The following C5 variants were observed in gnomAD, a reference collection of about 807,000 sequenced individuals.
The protein encoded by C5 is C3 and PZP-like alpha-2-macroglobulin domain-containing protein 4.
Under a neutral mutation model 218.8 loss-of-function variants are expected in C5, and 140 were observed. The observed-to-expected ratio is 0.64, with a 90% CI of 0.56 to 0.74. C5 has a LOEUF of 0.74. C5 is among the 30% of genes least tolerant of loss of function. C5 has a pLI of 0.00. For synonymous variants in C5, 614 were observed against 682.3 expected (o/e 0.90, Z 1.56); for missense variants, 1,700 against 1,969.6 (o/e 0.86, Z 2.59).
chr9:120,970,278 GA>G, intron 31 of C5, 27 bp from the exon 32 acceptor site: 1 of 1,494,118 alleles, frequency 6.7e-7, no homozygotes, highest in South Asian at 1.1e-5. Context: ...TAAGCAAGAA[GA>G]TTCTATTTAA....
intron 33 of C5, among the ~76,000 whole-genome samples, chr9:120,964,990 TA>T (rs1189547735): frequency 6.6e-6 from 1 of 152,072 alleles, no homozygotes; most frequent in African/African-American, 2.4e-5. Context: ...TGTGATTCTG[TA>T]AAAGTTGATT....
intron 17 of C5, among the ~76,000 whole-genome samples, chr9:121,013,361 C>A (rs1240515323): frequency 6.7e-6 from 1 of 149,410 alleles, no homozygotes; most frequent in Non-Finnish European, 1.5e-5. Flanking sequence ...CCTAAAAGTT[C>A]TGAAAACATG....
chr9:121,013,836 T>C, intron 17 of C5, 37 bp downstream of exon 17: 1 of 1,551,092 alleles, frequency 6.4e-7, no homozygotes, highest in Non-Finnish European at 8.9e-7. Flanking sequence ...AAATTCCCCA[T>C]ATTGAGCAGA....
At chr9:121,047,289 A>ACACATAT (rs2047635945) in intron 1 of C5, among the ~76,000 whole-genome samples, 1 of 152,174 alleles carries the variant, frequency 6.6e-6, no homozygotes, top group Non-Finnish European at 1.5e-5. Flanking sequence ...TGTACAGTTG[A>ACACATAT]GGTCAAGTTT....
intron 17 of C5, among the ~76,000 whole-genome samples, chr9:121,010,255 A>T (rs1272554147): frequency 2.0e-5 from 3 of 152,230 alleles, no homozygotes; most frequent in African/African-American, 7.2e-5. Flanking sequence ...CCACCAAAAA[A>T]CTATTAGAAC....
At chr9:121,009,654 CAACT>C (rs2047245545) in intron 17 of C5, among the ~76,000 whole-genome samples, 1 of 152,232 alleles carries the variant, frequency 6.6e-6, no homozygotes, top group Non-Finnish European at 1.5e-5. Context: ...TAAATTTTAA[CAACT>C]AACTACACAC....
rs1328909310 is a variant in C5, at chr9:120,997,891, C to T, written c.2563-117G>A. 3.6e-6 allele frequency: 3 copies of T among 824,534 alleles called. No individual in the cohort carries two copies. The East Asian group carries it at 8.1e-5, about 22-fold the overall frequency. The allele number at this position is 824,534 out of a possible 1,614,324, so 51.1% of individuals were successfully genotyped here. The stretch of plus-strand genomic sequence containing the variant: ...GATCTCAGCTCACTGCAACCTCCGC[C>T]TCCCGGATTCAAGCAATTCTCCTGC... On this transcript the variant is annotated intron_variant, in intron 20 of 40. Transcript: ENST00000223642.
intron 38 of C5, among the ~76,000 whole-genome samples, chr9:120,957,870 C>G (rs138539333): frequency 6.6e-6 from 1 of 152,342 alleles, no homozygotes; most frequent in East Asian, 1.9e-4. Flanking sequence ...TGTTTTCTCA[C>G]TCACCCTTGC....
intron 2 of C5, among the ~76,000 whole-genome samples, chr9:121,043,700 C>CTTTTTTTTTTTT (rs34794535): frequency 1.7e-5 from 2 of 120,662 alleles, no homozygotes; most frequent in Non-Finnish European, 1.7e-5. Context: ...GTCCAGCTAA[C>CTTTTTTTTTTTT]TTTTTTTTTT....
At position 120,976,790 on chromosome 9, in the gene C5, A is replaced by T; in HGVS notation, c.3774T>A (p.Ser1258Arg). ...CATAATTTATATCTTTCAAGTTCAG[A>T]CTGGTGAGTAAAGCATAGGCAGTTG... ...VETTAYALLTSLNLKDINYVN... is the reference protein window; with the variant it reads ...VETTAYALLTRLNLKDINYVN... Residue 1258 changes from serine (S) to arginine (R), a missense_variant, in exon 29 of 41, where the codon AGT becomes AGA. Coordinates refer to ENST00000223642, the MANE Select transcript of C5 (RefSeq NM_001735.3). 6.2e-7 allele frequency: 1 copy of T among 1,614,102 alleles called. No homozygotes were observed. The highest frequency in any genetic ancestry group is 8.5e-7 in the Non-Finnish European group (1 of 1,179,966).
intron 20 of C5, among the ~76,000 whole-genome samples, chr9:121,003,305 A>T (rs2047187760): frequency 6.6e-6 from 1 of 152,096 alleles, no homozygotes; most frequent in South Asian, 2.1e-4. Context: ...AAAGAAAAAA[A>T]AAAAAGATAA....
At chr9:120,959,312 G>A (rs576533239) in intron 38 of C5, among the ~76,000 whole-genome samples, 15 of 149,784 alleles carry the variant, frequency 1.0e-4, no homozygotes, top group East Asian at 2.0e-4. Context: ...AGACTGGAGC[G>A]CAGTAGCACG....
the C5 span, among the ~76,000 whole-genome samples, chr9:121,062,948 G>T: frequency 1.3e-5 from 2 of 151,762 alleles, no homozygotes; most frequent in African/African-American, 4.8e-5. Context: ...AGTCAGGTGT[G>T]GTTCTCTTTG....
chr9:121,014,671 A>G (rs2047291425), intron 16 of C5, among the ~76,000 whole-genome samples: 1 of 152,208 alleles, frequency 6.6e-6, no homozygotes, highest in Non-Finnish European at 1.5e-5. Flanking sequence ...TAGGCATGAT[A>G]TTAGTTGAAC....
chr9:121,033,916 TCCTTC>T (rs1181198710), intron 5 of C5, among the ~76,000 whole-genome samples: 1 of 151,272 alleles, frequency 6.6e-6, no homozygotes, highest in Non-Finnish European at 1.5e-5. Flanking sequence ...CTTCCTTCCT[TCCTTC>T]CTTCTTCTTT....
Position 121,027,183 on chromosome 9 carries a change from G to T in C5, c.850C>A (p.Gln284Lys), listed in dbSNP as rs1243488955. ...ACCATTGTGTTTTGCATTGCTGTTTGCATCATTTCTTTTTGATCATCTTTT... is the reference window on the plus strand; with the variant it reads ...ACCATTGTGTTTTGCATTGCTGTTTTCATCATTTCTTTTTGATCATCTTTT... ...DLKDDQKEMM[Q>K]TAMQNTMLIN... is the part of the protein sequence containing the mutation. Residue 284 changes from glutamine (Q) to lysine (K), a missense_variant, in exon 8 of 41, where the codon CAA (glutamine) becomes AAA (lysine). By Grantham distance (53) the Gln-to-Lys change is moderately conservative. Coordinates refer to ENST00000223642, the MANE Select transcript of C5 (RefSeq NM_001735.3). 2.5e-6 allele frequency: 4 copies of T among 1,589,846 alleles called. No individual in the cohort carries two copies. Among genetic ancestry groups the T allele is most frequent in the Non-Finnish European group, 3.4e-6 (4 of 1,160,956 alleles).
chr9:121,036,712 A>G (rs925329819), intron 4 of C5, among the ~76,000 whole-genome samples: 1 of 152,146 alleles, frequency 6.6e-6, no homozygotes, highest in South Asian at 2.1e-4. Context: ...ACTCCGTTCC[A>G]GAGAAGGATG....
At chr9:120,977,810 C>CA (rs2046964472) in intron 28 of C5, among the ~76,000 whole-genome samples, 1 of 152,134 alleles carries the variant, frequency 6.6e-6, no homozygotes, top group Admixed American at 6.5e-5. Context: ...GTATTGCACC[C>CA]AGCTTCTAGT....
intron 5 of C5, among the ~76,000 whole-genome samples, chr9:121,033,075 TACAC>T (rs41308022): frequency 6.6e-6 from 1 of 151,084 alleles, no homozygotes; most frequent in Non-Finnish European, 1.5e-5. Context: ...CACATATATA[TACAC>T]ACACACACAC....
Sources: allele counts gnomAD v4.1 joint callset (sites outside exome capture counted in the v4.1 genomes callset), GRCh38; gene constraint gnomAD v4.1.1; transcripts MANE v1.5; gene names NCBI Gene and HGNC (gene_info 2026-07-23, HGNC 2026-07-21).